PGBD5: variants seen among roughly 807,000 people sequenced by gnomAD.
PGBD5 encodes piggyBac transposable element-derived protein 5.
In PGBD5, 14 loss-of-function variants were observed where a neutral mutation model predicts 47.9. The ratio of observed to expected loss-of-function variants is 0.29; its 90% CI spans 0.19 to 0.46. PGBD5 has a LOEUF of 0.46. Ranked by LOEUF, PGBD5 falls within the 20% of genes least tolerant of loss-of-function variation. PGBD5 has a pLI of 1.00. For missense variants in PGBD5, 635 were observed against 716.0 expected, an observed-to-expected ratio of 0.89 and a Z score of 1.29; for synonymous variants, 316 against 306.3, an observed-to-expected ratio of 1.03 and a Z score of -0.33.
rs1356212505 is a variant in PGBD5, at chr1:230,317,043, A to C, written c.*6382T>G. 1 of 152,276 alleles carries C rather than the reference A, an allele frequency of 6.6e-6. No individual in the cohort carries two copies. The highest frequency in any genetic ancestry group is 1.5e-5 in the Non-Finnish European group (1 of 68,108). The allele number at this position is 152,276 out of a possible 1,614,324, so 9.4% of individuals were successfully genotyped here. On this transcript the variant is annotated 3_prime_UTR_variant, in exon 7 of 7. Transcript: ENST00000391860. ...CAGGTGCATGTGATGCCTGCCAAGC[A>C]AGGTGGAGGGTCTGGGGGTTGCTGA...
At chr1:230,337,960 G>A (rs1667352219) in intron 3 of PGBD5, among the ~76,000 whole-genome samples, 1 of 152,152 alleles carries the variant, frequency 6.6e-6, no homozygotes, top group African/African-American at 2.4e-5. Flanking sequence ...AAAATCAACT[G>A]CCTCCAGTAC....
intron 1 of PGBD5, among the ~76,000 whole-genome samples, chr1:230,407,047 C>G (rs1269333584): frequency 6.6e-6 from 1 of 152,174 alleles, no homozygotes; most frequent in Non-Finnish European, 1.5e-5. Context: ...GTTGGCCAGG[C>G]TGGTCTTGAA....
At chr1:230,337,036 C>T in intron 4 of PGBD5, 72 bp downstream of exon 4, 1 of 1,536,318 alleles carries the variant, frequency 6.5e-7, no homozygotes. Flanking sequence ...TCTGCACCCC[C>T]ACCTGGACCT....
chr1:230,316,176 A>G lies in PGBD5; in HGVS notation c.*7249T>C, dbSNP rs184949676. The stretch of plus-strand genomic sequence containing the variant: ...CATATATGTATGTGTATACATACAT[A>G]CGTACACATGTGCATGTGTATACAT... On this transcript the variant is annotated 3_prime_UTR_variant, in exon 7 of 7. Coordinates refer to ENST00000391860, the MANE Select transcript of PGBD5 (RefSeq NM_001258311.2). 16 of 86,218 alleles carry G rather than the reference A, an allele frequency of 1.9e-4. 2 individuals are homozygous for G. The East Asian group carries it at 3.7e-3, about 20-fold the overall frequency. The allele number at this position is 86,218 out of a possible 1,614,324, so 5.3% of individuals were successfully genotyped here.
At chr1:230,415,273 T>TA (rs36018440) in intron 1 of PGBD5, among the ~76,000 whole-genome samples, 70 of 143,744 alleles carry the variant, frequency 4.9e-4, no homozygotes, top group Non-Finnish European at 5.9e-4. Flanking sequence ...AGACTCTGTC[T>TA]AAAAAAAAAA....
chr1:230,388,819 AC>A lies in PGBD5; in HGVS notation c.332-31499del, dbSNP rs894539586. ...TGTTTTACCTCTCAGGGTGGCCATG[AC>A]CCCCCTGGAAAGAAAAGCAGCAAAG... On this transcript the variant is annotated intron_variant, in intron 1 of 6. Coordinates refer to ENST00000391860, the MANE Select transcript of PGBD5 (RefSeq NM_001258311.2). 5.3e-5 allele frequency among the ~76,000 whole-genome samples: 8 copies of A among 151,686 alleles called. No homozygotes were observed. In the South Asian group the frequency reaches 1.0e-3, roughly 20 times the overall value.
intron 1 of PGBD5, among the ~76,000 whole-genome samples, chr1:230,404,623 A>AT (rs1553290456): frequency 2.1e-4 from 28 of 130,910 alleles, no homozygotes; most frequent in East Asian, 1.8e-3. Context: ...AAAAAAAAAA[A>AT]AAAAAAATAT....
intron 3 of PGBD5, among the ~76,000 whole-genome samples, chr1:230,344,714 G>A (rs1571832305): frequency 6.6e-6 from 1 of 152,126 alleles, no homozygotes; most frequent in South Asian, 2.1e-4. Context: ...TAGGAAGCAC[G>A]GGTTCTTTTG....
intron 1 of PGBD5, among the ~76,000 whole-genome samples, chr1:230,385,522 G>A (rs151172872): frequency 2.6e-5 from 4 of 152,316 alleles, no homozygotes; most frequent in African/African-American, 9.6e-5. Context: ...AGCCGTTGCA[G>A]CAGTGCTGAG....
At chr1:230,422,936 C>T (rs1657690818) in intron 1 of PGBD5, among the ~76,000 whole-genome samples, 1 of 151,990 alleles carries the variant, frequency 6.6e-6, no homozygotes, top group Admixed American at 6.5e-5. Flanking sequence ...ACTCCGACTA[C>T]AACTCATAAT....
intron 1 of PGBD5, among the ~76,000 whole-genome samples, chr1:230,400,339 C>T (rs1657106484): frequency 6.6e-6 from 1 of 151,818 alleles, no homozygotes. Context: ...TCCACCCCTC[C>T]CCCACACTCT....
In PGBD5 at chr1:230,426,220, A is replaced by AGGCGCC. The variant is rs1657783177; in HGVS notation, c.-298_-293dup. 6.7e-6 allele frequency: 1 copy of AGGCGCC among 148,224 alleles called. No homozygotes were observed. The allele number at this position is 148,224 out of a possible 1,614,324, so 9.2% of individuals were successfully genotyped here. ...GGACGCAGAGGCTGCGGCCGAGACCAGGCGCCGCCGCCGCCACCGCCGCCA... is the reference window on the plus strand; with the variant it reads ...GGACGCAGAGGCTGCGGCCGAGACCAGGCGCCGGCGCCGCCGCCGCCACCGCCGCCA... On this transcript the variant is annotated 5_prime_UTR_variant, in exon 1 of 7. Coordinates refer to ENST00000391860, the MANE Select transcript of PGBD5 (RefSeq NM_001258311.2).
At chr1:230,389,972 G>A (rs933569527) in intron 1 of PGBD5, among the ~76,000 whole-genome samples, 8 of 152,164 alleles carry the variant, frequency 5.3e-5, no homozygotes, top group African/African-American at 1.9e-4. Context: ...AGGAAACGGA[G>A]GCCAAGAAGA....
Position 230,425,641 on chromosome 1 carries a change from T to C in PGBD5, c.288A>G (p.Ala96=). The change falls in exon 1 of 7, where the codon GCA becomes GCG. Residue 96 remains alanine (A), a synonymous_variant. Coordinates refer to ENST00000391860, the MANE Select transcript of PGBD5 (RefSeq NM_001258311.2). The surrounding 1 kb of genome is among the most constrained non-coding windows in gnomAD (Gnocchi z 4.7). ...EEDEAGAGWS[A]ALRDRPPPRF... ...GCGGGGGCGGGCGGTCCCGCAGCGCTGCGCTCCAGCCCGCGCCGGCCTCGT... is the reference window on the plus strand; with the variant it reads ...GCGGGGGCGGGCGGTCCCGCAGCGCCGCGCTCCAGCCCGCGCCGGCCTCGT... 2 of 1,220,164 alleles carry C rather than the reference T, an allele frequency of 1.6e-6. No homozygotes were observed. The highest frequency in any genetic ancestry group is 2.0e-6 in the Non-Finnish European group (2 of 980,674). 75.6% of individuals were successfully genotyped at this position (1,220,164 alleles called of 1,614,324 possible). A position where few individuals can be genotyped will look rare whatever the true frequency, so the allele number is the denominator to read the frequency against.
chr1:230,362,406 C>A, intron 1 of PGBD5: 1 of 1,348,004 alleles, frequency 7.4e-7, no homozygotes, highest in East Asian at 4.6e-5. Flanking sequence ...TGGAGGCTTG[C>A]CGGGGAAGCC....
rs141478530 is a variant in PGBD5, at chr1:230,369,867, C to T, written c.332-12546G>A. On this transcript the variant is annotated intron_variant, in intron 1 of 6. Coordinates refer to ENST00000391860, the MANE Select transcript of PGBD5 (RefSeq NM_001258311.2). The stretch of plus-strand genomic sequence containing the variant: ...CTAGAATTCCCTGCATACCCACCCA[C>T]GCCAGGATGAGAGAGAGAAAGAATG... Among the ~76,000 whole-genome samples the T allele has an allele frequency of 3.9e-4, 59 of 151,902 alleles. 1 individual carries two copies. In the East Asian group the frequency reaches 0.01, roughly 27 times the overall value.
rs913101163 is a variant in PGBD5 at position 230,314,881 on chromosome 1, C to T, written c.*8544G>A. On this transcript the variant is annotated 3_prime_UTR_variant, in exon 7 of 7. Transcript: ENST00000391860. ...TGTAGCAGTGGAAACAAAATTCTCA[C>T]AATGAATAGCAGTCTTTCCAGCTTC... is the stretch of plus-strand genomic sequence containing the variant. 7.2e-5 allele frequency: 11 copies of T among 152,120 alleles called. No individual in the cohort carries two copies. Among genetic ancestry groups the T allele is most frequent in the African/African-American group, 2.7e-4 (11 of 41,398 alleles). The allele number at this position is 152,120 out of a possible 1,614,324, so 9.4% of individuals were successfully genotyped here.
intron 3 of PGBD5, among the ~76,000 whole-genome samples, chr1:230,349,451 C>CTTGAGCCT (rs908821780): frequency 7.0e-6 from 1 of 143,818 alleles, no homozygotes; most frequent in African/African-American, 2.5e-5. Flanking sequence ...GACCAGATCA[C>CTTGAGCCT]TTGAGCCTGG....
chr1:230,331,920 T>A (rs1038348210), intron 5 of PGBD5, among the ~76,000 whole-genome samples: 1 of 115,470 alleles, frequency 8.7e-6, no homozygotes, highest in Non-Finnish European at 1.9e-5. Flanking sequence ...CACTGAGGCG[T>A]GATGCAACTT....
Sources: allele counts gnomAD v4.1 joint callset (sites outside exome capture counted in the v4.1 genomes callset), GRCh38; gene constraint gnomAD v4.1.1; non-coding constraint Gnocchi (gnomAD v3.1); transcripts MANE v1.5; gene names NCBI Gene and HGNC (gene_info 2026-07-23, HGNC 2026-07-21).